TRPM1: variants seen among roughly 807,000 people sequenced by gnomAD.
The protein encoded by TRPM1 is transient receptor potential cation channel subfamily M member 1, also known as TRPM1-203 APA Isoform, Intron 10.
In TRPM1, 113 loss-of-function variants were observed where a neutral mutation model predicts 149.4. The observed-to-expected ratio is 0.76, with a 90% CI of 0.65 to 0.88. The LOEUF (loss-of-function observed/expected upper bound fraction) is 0.88. Ranked by LOEUF, TRPM1 falls within the 40% of genes least tolerant of loss-of-function variation. The probability of loss-of-function intolerance (pLI) is 0.00; values close to 1 mark genes in which losing one functional copy is unlikely to be tolerated. For synonymous variants in TRPM1, 741 were observed against 759.5 expected (o/e 0.98, Z 0.40); for missense variants, 1,976 against 2,038.7 (o/e 0.97, Z 0.59).
intron 2 of TRPM1, among the ~76,000 whole-genome samples, chr15:31,078,353 A>C (rs145596959): frequency 0.011 from 1,738 of 152,138 alleles, 36 homozygotes; most frequent in African/African-American, 0.04. Flanking sequence ...ACTCTAGGAG[A>C]GCCCCAGCCC....
At chr15:31,046,500 A>G (rs1453704047) in intron 15 of TRPM1, among the ~76,000 whole-genome samples, 1 of 152,210 alleles carries the variant, frequency 6.6e-6, no homozygotes, top group African/African-American at 2.4e-5. Context: ...AGACATGTAG[A>G]GAGCTGTGGG....
chr15:31,091,813 T>C (rs911772162), intron 1 of TRPM1, among the ~76,000 whole-genome samples: 1 of 152,046 alleles, frequency 6.6e-6, no homozygotes, highest in Non-Finnish European at 1.5e-5. Flanking sequence ...CTTGTAAAAC[T>C]TGGGAGGATT....
At chr15:31,140,212 CAAA>C (rs34651089) in intron 1 of TRPM1, among the ~76,000 whole-genome samples, 1 of 103,184 alleles carries the variant, frequency 9.7e-6, no homozygotes. Flanking sequence ...ACTAAAAATA[CAAA>C]AAAAAAAAAA....
intron 21 of TRPM1, among the ~76,000 whole-genome samples, chr15:31,033,420 C>T (rs1356131583): frequency 6.6e-6 from 1 of 152,210 alleles, no homozygotes; most frequent in Non-Finnish European, 1.5e-5. Context: ...GAAAGTTAGA[C>T]CAGGTTTTCC....
At chr15:31,101,726 A>G, upstream of TRPM1, 1 of 985,908 alleles carries the variant, frequency 1.0e-6, no homozygotes, top group Non-Finnish European at 1.2e-6. Flanking sequence ...CAGGGCAGGG[A>G]GCTGGGTGAG....
chr15:31,038,266 A>C (rs943417910), intron 18 of TRPM1, 100 bp from the exon 19 acceptor site: 1 of 1,352,218 alleles, frequency 7.4e-7, no homozygotes, highest in Non-Finnish European at 1.0e-6. Flanking sequence ...TTATTCAATA[A>C]CCTAGGAGCC....
chr15:31,040,166 G>C lies in TRPM1; in HGVS notation c.2268C>G (p.Thr756=). Residue 756 remains threonine, a synonymous_variant, in exon 18 of 28, where the codon ACC becomes ACG. Transcript: ENST00000256552. This position sits in a 1 kb window ranked among gnomAD's most constrained non-coding sequence, Gnocchi z 4.2. ...TCCGCAGTCTTCCCATCCACATATCGGTCAGCAGCATCTGGCTGCAGGTGT... is the reference window on the plus strand; with the variant it reads ...TCCGCAGTCTTCCCATCCACATATCCGTCAGCAGCATCTGGCTGCAGGTGT... ...IAHTCSQMLL[T]DMWMGRLRMR... 1 of 1,614,170 alleles carries C rather than the reference G, an allele frequency of 6.2e-7. No homozygotes were observed. Among genetic ancestry groups the C allele is most frequent in the South Asian group, 1.1e-5 (1 of 91,074 alleles).
chr15:31,023,569 G>A (rs775190412), intron 27 of TRPM1, among the ~76,000 whole-genome samples: 2 of 152,212 alleles, frequency 1.3e-5, no homozygotes, highest in African/African-American at 2.4e-5. Flanking sequence ...TACTAGGTGC[G>A]TTGGGGTAGG....
intron 1 of TRPM1, among the ~76,000 whole-genome samples, chr15:31,113,811 G>C (rs1383198682): frequency 2.6e-5 from 4 of 152,264 alleles, no homozygotes; most frequent in South Asian, 4.1e-4. Flanking sequence ...GTTAGCAACA[G>C]CAAGATTTAT....
rs57790253 is a variant in TRPM1, at chr15:31,130,037, G to A, written c.54+30869C>T. Among the ~76,000 whole-genome samples the A allele has an allele frequency of 7.1e-3, 1,086 of 152,342 alleles. 11 individuals carry two copies. The highest frequency in any genetic ancestry group is 0.024 in the African/African-American group (1,008 of 41,578). On this transcript the variant is annotated intron_variant, in intron 1 of 26. Coordinates refer to the TRPM1 transcript ENST00000542188. Reference sequence around the variant, plus strand: ...AGCAGGGATGCTCTTCCAGGACAAAGACATCAGGGTGTTCCATACAGATCG... The same window carrying A: ...AGCAGGGATGCTCTTCCAGGACAAAAACATCAGGGTGTTCCATACAGATCG...
intron 24 of TRPM1, 60 bp downstream of exon 24, chr15:31,029,311 G>A: frequency 6.4e-7 from 1 of 1,557,524 alleles, no homozygotes. Flanking sequence ...ATCAGCTAAG[G>A]AAAAGGTAAT....
intron 25 of TRPM1, 51 bp from the exon 26 acceptor site, chr15:31,027,168 T>C (rs1464470559): frequency 2.5e-5 from 39 of 1,566,362 alleles, no homozygotes; most frequent in Non-Finnish European, 3.4e-5. Context: ...TTTATAGTGA[T>C]TTCCCAGAGC....
intron 1 of TRPM1, among the ~76,000 whole-genome samples, chr15:31,119,776 A>G (rs1268715239): frequency 6.6e-6 from 1 of 152,200 alleles, no homozygotes; most frequent in Non-Finnish European, 1.5e-5. Context: ...ACTACTCATG[A>G]AGTGATATAG....
At chr15:31,089,786 C>G (rs6493451) in intron 1 of TRPM1, among the ~76,000 whole-genome samples, 71,830 of 152,026 alleles carry the variant, frequency 0.47, 17,461 homozygotes, top group East Asian at 0.82. Flanking sequence ...ATGGTGTCCC[C>G]AAAGTGCATA....
chr15:31,092,731 A>G (rs2035274838), intron 1 of TRPM1, among the ~76,000 whole-genome samples: 1 of 152,230 alleles, frequency 6.6e-6, no homozygotes, highest in Admixed American at 6.5e-5. Context: ...AGAGCCGTCT[A>G]GATGCCCAGC....
chr15:31,029,358 C>T lies in TRPM1; in HGVS notation c.3148+13G>A. On this transcript the variant is annotated intron_variant, in intron 24 of 27. Coordinates refer to ENST00000256552, the MANE Select transcript of TRPM1 (RefSeq NM_001252024.2). ...TTCCATAGACTAGAATAATCAATTC[C>T]ATGTAAACTTACGATTAATTTCCAT... 6.2e-7 allele frequency: 1 copy of T among 1,612,888 alleles called. No individual in the cohort carries two copies. Among genetic ancestry groups the T allele is most frequent in the South Asian group, 1.1e-5 (1 of 91,052 alleles).
chr15:31,072,018 T>TATATATATATATATAG (rs1400392427), intron 3 of TRPM1, among the ~76,000 whole-genome samples: 1 of 36,898 alleles, frequency 2.7e-5, no homozygotes. Flanking sequence ...TATATATATA[T>TATATATATATATATAG]AGAGAGAGAG....
chr15:31,139,410 A>G (rs1305535251), intron 1 of TRPM1, among the ~76,000 whole-genome samples: 1 of 152,212 alleles, frequency 6.6e-6, no homozygotes, highest in Non-Finnish European at 1.5e-5. Context: ...GAGAGAAACT[A>G]TTTGAAAACC....
At chr15:31,134,967 C>T (rs1429229546) in intron 1 of TRPM1, among the ~76,000 whole-genome samples, 1 of 152,054 alleles carries the variant, frequency 6.6e-6, no homozygotes, top group Non-Finnish European at 1.5e-5. Context: ...GATCGTACTC[C>T]AGCCTGGGCA....
Sources: gnomAD v4.1 joint callset for allele counts (sites outside exome capture counted in the v4.1 genomes callset) on GRCh38, gnomAD v4.1.1 for gene constraint, Gnocchi (gnomAD v3.1) non-coding constraint, MANE v1.5 for transcripts, NCBI Gene and HGNC (gene_info 2026-07-23, HGNC 2026-07-21) for gene names.